Variants in NOMO3 observed in about 807,000 individuals in gnomAD.
NOMO3 encodes NODAL modulator 3.
NOMO3 carries 15 observed loss-of-function variants against 69.9 expected under a neutral mutation model. The ratio of observed to expected loss-of-function variants is 0.21; its 90% CI spans 0.14 to 0.33. The LOEUF is 0.33. Ranked by LOEUF, NOMO3 falls within the 10% of genes least tolerant of loss-of-function variation. The pLI is 1.00. For missense variants in NOMO3, 218 were observed against 761.0 expected (o/e 0.29, Z 8.39); for synonymous variants, 89 against 301.9 (o/e 0.29, Z 7.31).
At position 16,258,136 on chromosome 16, in the gene NOMO3, C is replaced by G. The variant is rs554979254; in HGVS notation, c.1220+1978C>G. On this transcript the variant is annotated intron_variant, in intron 11 of 30. Coordinates refer to ENST00000399336, the MANE Select transcript of NOMO3 (RefSeq NM_001004067.4). ...TTTGAGACCAGCCTGGGCAACTTGG[C>G]AAAACACCATCTCTACCAAAAATGC... is the stretch of plus-strand genomic sequence containing the variant. Among the ~76,000 whole-genome samples, 35 of 142,292 alleles carry G rather than the reference C, an allele frequency of 2.5e-4. 6 individuals are homozygous for G. Among genetic ancestry groups the G allele is most frequent in the African/African-American group, 8.9e-4 (31 of 34,884 alleles). 93.3% of individuals were successfully genotyped at this position (142,292 alleles called of 152,430 possible). A position where few individuals can be genotyped will look rare whatever the true frequency, so the allele number is the denominator to read the frequency against.
At chr16:16,243,915 G>C (rs1342757658) in intron 4 of NOMO3, among the ~76,000 whole-genome samples, 7 of 144,634 alleles carry the variant, frequency 4.8e-5, no homozygotes, top group Non-Finnish European at 1.0e-4. Context: ...TGCTGTCCCT[G>C]TGGGTGAATT....
At chr16:16,268,411 T>A (rs2049636570) in intron 16 of NOMO3, among the ~76,000 whole-genome samples, 1 of 145,624 alleles carries the variant, frequency 6.9e-6, no homozygotes, top group Non-Finnish European at 1.5e-5. Flanking sequence ...TGTTATTGTC[T>A]GTTTTATTAT....
At chr16:16,237,548 T>G (rs1396142040) in intron 2 of NOMO3, among the ~76,000 whole-genome samples, 1 of 129,102 alleles carries the variant, frequency 7.7e-6, no homozygotes, top group Non-Finnish European at 1.7e-5. Context: ...TTTTTTGTTG[T>G]TTTTTTTTTT....
At position 16,236,659 on chromosome 16, in the gene NOMO3, G is replaced by A. The variant is rs1286587417; in HGVS notation, c.166-242G>A. 2.1e-5 allele frequency among the ~76,000 whole-genome samples: 3 copies of A among 144,846 alleles called. 1 individual carries two copies. The highest frequency in any genetic ancestry group is 4.4e-5 in the Non-Finnish European group (3 of 67,548). ...GGCAGCCACTAAAATAAACAGAAAAGCATTGAAAAATAAGGCATTGTAATA... is the reference window on the plus strand; with the variant it reads ...GGCAGCCACTAAAATAAACAGAAAAACATTGAAAAATAAGGCATTGTAATA... On this transcript the variant is annotated intron_variant, in intron 1 of 30. Transcript: ENST00000399336.
intron 16 of NOMO3, among the ~76,000 whole-genome samples, chr16:16,268,852 G>A (rs2049640349): frequency 1.4e-5 from 2 of 143,780 alleles, no homozygotes; most frequent in Admixed American, 1.3e-4. Context: ...GGAAGTCAAG[G>A]AGAGGGCAGG....
At position 16,270,154 on chromosome 16, in the gene NOMO3, G is replaced by A. The variant is rs372553674; in HGVS notation, c.1928G>A (p.Arg643Gln). The change falls in exon 17 of 31, where the codon CGG (arginine) becomes CAG (glutamine). Residue 643 changes from arginine to glutamine, a missense_variant. Arg to Gln is a conservative substitution (Grantham distance 43). Coordinates refer to ENST00000399336, the MANE Select transcript of NOMO3 (RefSeq NM_001004067.4). The part of the protein sequence containing the change: ...VYKVTPRSCH[R>Q]FEQAFYTYDT... ...AAAGTGACCCCTCGCTCCTGCCACC[G>A]GTTTGAGCAAGCGTTCTACACCTAT... 13 of 1,556,176 alleles carry A rather than the reference G, an allele frequency of 8.4e-6. No homozygotes were observed. Among genetic ancestry groups the A allele is most frequent in the African/African-American group, 3.7e-5 (2 of 53,832 alleles).
intron 15 of NOMO3, chr16:16,266,741 C>G (rs1441924588): frequency 1.9e-6 from 1 of 540,282 alleles, no homozygotes; most frequent in Non-Finnish European, 3.3e-6. Flanking sequence ...TTTGTTGTTG[C>G]GTTGATTTTG....
At position 16,232,545 on chromosome 16, in the gene NOMO3, G is replaced by A. The variant is rs2049288695; in HGVS notation, c.-122G>A. The A allele has an allele frequency of 8.2e-7, 1 of 1,220,004 alleles. No homozygotes were observed. Among genetic ancestry groups the A allele is most frequent in the African/African-American group, 1.6e-5 (1 of 63,158 alleles). The allele number at this position is 1,220,004 out of a possible 1,614,324, so 75.6% of individuals were successfully genotyped here. ...GCGCGCGTGCGCGGCGGCGGCTGGC[G>A]GCGGCGGTGGGGCGGGGCCTGGGCT... On this transcript the variant is annotated 5_prime_UTR_variant, in exon 1 of 31. Coordinates refer to ENST00000399336, the MANE Select transcript of NOMO3 (RefSeq NM_001004067.4).
At position 16,235,871 on chromosome 16, in the gene NOMO3, C is replaced by A. The variant is rs1024999306; in HGVS notation, c.166-1030C>A. The A allele has an allele frequency of 3.6e-5, 16 of 442,392 alleles. 2 individuals are homozygous for A. In the Admixed American group the frequency reaches 3.9e-4, roughly 11 times the overall value. The allele number at this position is 442,392 out of a possible 1,614,324, so 27.4% of individuals were successfully genotyped here. A position where few individuals can be genotyped will look rare whatever the true frequency, so the allele number is the denominator to read the frequency against. ...GTGCTTAATATGCATTGATGTGAAT[C>A]TGTACAACCACATGAAAAGGAGTGG... On this transcript the variant is annotated intron_variant, in intron 1 of 30. Coordinates refer to ENST00000399336, the MANE Select transcript of NOMO3 (RefSeq NM_001004067.4).
chr16:16,265,633 CTCTGATATATATATATATATA>C (rs1416768833), intron 15 of NOMO3, among the ~76,000 whole-genome samples: 3 of 75,356 alleles, frequency 4.0e-5, no homozygotes, highest in Non-Finnish European at 6.8e-5. Flanking sequence ...AAGTGAGTTT[CTCTGATATATATATATATATA>C]TATATATATA....
chr16:16,258,552 A>C (rs2049535167), intron 11 of NOMO3, among the ~76,000 whole-genome samples: 2 of 138,800 alleles, frequency 1.4e-5, no homozygotes, highest in Admixed American at 1.4e-4. Context: ...TCCCTAATGC[A>C]GTGGAAACCC....
chr16:16,267,560 G>T (rs537634297), intron 16 of NOMO3, among the ~76,000 whole-genome samples: 1 of 141,630 alleles, frequency 7.1e-6, no homozygotes, highest in South Asian at 2.2e-4. Flanking sequence ...TCAGCCTCTC[G>T]AGTAGCTGGG....
At chr16:16,236,541 C>G (rs2049328527) in intron 1 of NOMO3, among the ~76,000 whole-genome samples, 1 of 144,738 alleles carries the variant, frequency 6.9e-6, no homozygotes, top group Non-Finnish European at 1.5e-5. Flanking sequence ...AGCCACCGTG[C>G]CCAGCCAGGA....
intron 2 of NOMO3, among the ~76,000 whole-genome samples, chr16:16,237,928 A>G (rs1354568056): frequency 6.9e-6 from 1 of 144,696 alleles, no homozygotes; most frequent in Non-Finnish European, 1.5e-5. Flanking sequence ...GTACACATGC[A>G]TATGTATATA....
chr16:16,253,233 G>A (rs2049480371), intron 9 of NOMO3, among the ~76,000 whole-genome samples: 2 of 140,088 alleles, frequency 1.4e-5, no homozygotes, highest in South Asian at 4.4e-4. Context: ...AAAAATAAAG[G>A]AAGAAAGGAG....
rs548496677 is a variant in NOMO3 at position 16,242,738 on chromosome 16, A to G, written c.302-423A>G. Among the ~76,000 whole-genome samples the G allele has an allele frequency of 4.3e-4, 61 of 143,142 alleles. 9 individuals are homozygous for G. Among genetic ancestry groups the G allele is most frequent in the East Asian group, 1.6e-3 (7 of 4,370 alleles). The allele number at this position is 143,142 out of a possible 152,430, so 93.9% of individuals were successfully genotyped here. A position where few individuals can be genotyped will look rare whatever the true frequency, so the allele number is the denominator to read the frequency against. ...CTTTCTGTGCCTTAATTTACCCCTC[A>G]GTAAATTGCAGCTATTACTGCCTGT... On this transcript the variant is annotated intron_variant, in intron 3 of 30. Coordinates refer to ENST00000399336, the MANE Select transcript of NOMO3 (RefSeq NM_001004067.4).
At chr16:16,257,504 G>A (rs1258575021) in intron 11 of NOMO3, among the ~76,000 whole-genome samples, 4 of 132,270 alleles carry the variant, frequency 3.0e-5, no homozygotes, top group Non-Finnish European at 6.1e-5. Flanking sequence ...GGACCACTAG[G>A]TGGAGCTCTT....
intron 1 of NOMO3, among the ~76,000 whole-genome samples, chr16:16,234,819 T>TAAA (rs1164950163): frequency 7.0e-6 from 1 of 143,326 alleles, no homozygotes; most frequent in Non-Finnish European, 1.5e-5. Context: ...ACCTTACTGT[T>TAAA]AAAAAAAAAA....
intron 12 of NOMO3, 49 bp from the exon 13 acceptor site, chr16:16,263,025 G>T: frequency 1.3e-6 from 2 of 1,587,758 alleles, no homozygotes; most frequent in Non-Finnish European, 8.5e-7. Flanking sequence ...AGGTCAGGGG[G>T]AAGATCTCCC....
Sources: gnomAD v4.1 joint callset for allele counts (sites outside exome capture counted in the v4.1 genomes callset) on GRCh38, gnomAD v4.1.1 for gene constraint, MANE v1.5 for transcripts, NCBI Gene and HGNC (gene_info 2026-07-23, HGNC 2026-07-21) for gene names.